The following VAPB variants were observed in gnomAD, a reference collection of about 807,000 sequenced individuals.
VAPB encodes VAMP associated protein B and C.
VAPB carries 7 observed loss-of-function variants against 25.6 expected under a neutral mutation model. The observed-to-expected ratio is 0.27, with a 90% confidence interval of 0.16 to 0.51. The LOEUF is 0.51. Ranked by LOEUF, VAPB falls within the 20% of genes least tolerant of loss-of-function variation. The pLI is 0.97. For missense variants in VAPB, 266 were observed against 301.3 expected, an observed-to-expected ratio of 0.88 and a Z score of 0.87; for synonymous variants, 112 against 109.2, an observed-to-expected ratio of 1.03 and a Z score of -0.16.
At chr20:58,391,908 CAA>C (rs1407090384) in intron 1 of VAPB, among the ~76,000 whole-genome samples, 3 of 152,162 alleles carry the variant, frequency 2.0e-5, no homozygotes, top group African/African-American at 4.8e-5. Flanking sequence ...GGTGAGTAGA[CAA>C]GAGTCAGATC....
At chr20:58,415,733 G>A (rs1333543334) in intron 1 of VAPB, among the ~76,000 whole-genome samples, 2 of 152,084 alleles carry the variant, frequency 1.3e-5, no homozygotes, top group South Asian at 4.1e-4. Flanking sequence ...TTTACATAAT[G>A]CTTTAATGGA....
Position 58,445,833 on chromosome 20 carries a change from C to A in VAPB, c.*1598C>A, listed in dbSNP as rs755031982. 46 of 453,800 alleles carry A rather than the reference C, an allele frequency of 1.0e-4. No homozygotes were observed. Among genetic ancestry groups the A allele is most frequent in the Non-Finnish European group, 1.9e-4 (43 of 226,776 alleles). The allele number at this position is 453,800 out of a possible 1,614,324, so 28.1% of individuals were successfully genotyped here. ...TGCTTTGGCCTTCAGTAAAAAGCAG[C>A]CTCCCTTCTAGGTCAGGGAACCATG... On this transcript the variant is annotated 3_prime_UTR_variant, in exon 6 of 6. Coordinates refer to ENST00000475243, the MANE Select transcript of VAPB (RefSeq NM_004738.5).
Position 58,446,710 on chromosome 20 carries a change from T to C in VAPB, c.*2475T>C, listed in dbSNP as rs1480717310. ...AGAGGTTAGGACTTGGTGAACATGT[T>C]TGTGGGCCTTTTGACTGAGTGGCAG... On this transcript the variant is annotated 3_prime_UTR_variant, in exon 6 of 6. Coordinates refer to ENST00000475243, the MANE Select transcript of VAPB (RefSeq NM_004738.5). The C allele has an allele frequency of 2.2e-6, 1 of 454,022 alleles. No homozygotes were observed. The highest frequency in any genetic ancestry group is 4.4e-6 in the Non-Finnish European group (1 of 226,774). The allele number at this position is 454,022 out of a possible 1,614,324, so 28.1% of individuals were successfully genotyped here.
chr20:58,427,915 G>T (rs1264507372), intron 2 of VAPB, among the ~76,000 whole-genome samples: 4 of 143,198 alleles, frequency 2.8e-5, no homozygotes, highest in Admixed American at 1.4e-4. Flanking sequence ...CCATTATGAT[G>T]CAGGGGAAAG....
rs752550479 is a variant in VAPB, at chr20:58,389,436, A to C, written c.-24A>C. On this transcript the variant is annotated 5_prime_UTR_variant, in exon 1 of 6. Transcript: ENST00000475243. ...GTGACCTCTCAGGGGTCTCCCCGCCAAAGGTGCTCCGCCGCTAAGGAACAT... is the reference window on the plus strand; with the variant it reads ...GTGACCTCTCAGGGGTCTCCCCGCCCAAGGTGCTCCGCCGCTAAGGAACAT... 3 of 1,580,346 alleles carry C rather than the reference A, an allele frequency of 1.9e-6. No individual in the cohort carries two copies. The highest frequency in any genetic ancestry group is 2.6e-6 in the Non-Finnish European group (3 of 1,163,196).
In VAPB at chr20:58,418,394, G is replaced by C. The variant is rs753315817; in HGVS notation, c.211+31G>C. 4.3e-6 allele frequency: 7 copies of C among 1,612,206 alleles called. No homozygotes were observed. In the East Asian group the frequency reaches 1.6e-4, roughly 36 times the overall value. On this transcript the variant is annotated intron_variant, in intron 2 of 5. Transcript: ENST00000475243. Reference sequence around the variant, plus strand: ...TCCTGAGACTGGAGGCCTAGAGGGTGGGCTCAGAAGGCCCCTGGACAGTAG... The same window carrying C: ...TCCTGAGACTGGAGGCCTAGAGGGTCGGCTCAGAAGGCCCCTGGACAGTAG...
intron 1 of VAPB, among the ~76,000 whole-genome samples, chr20:58,393,712 G>GTTTGTTT (rs1987870433): frequency 6.6e-6 from 1 of 150,412 alleles, no homozygotes; most frequent in African/African-American, 2.5e-5. Context: ...CTAGGTTAAG[G>GTTTGTTT]TTTGTTTTGT....
Position 58,445,136 on chromosome 20 carries a change from GT to G in VAPB, c.*907del, listed in dbSNP as rs1371936284. On this transcript the variant is annotated 3_prime_UTR_variant, in exon 6 of 6. Coordinates refer to ENST00000475243, the MANE Select transcript of VAPB (RefSeq NM_004738.5). ...TGCTGGAGAAGAGCTGCCAGGAAGT[GT>G]TTTTTCTGGGTCAGTAAATAACAAC... The G allele has an allele frequency of 2.2e-6, 1 of 454,168 alleles. No homozygotes were observed. The highest frequency in any genetic ancestry group is 4.4e-6 in the Non-Finnish European group (1 of 226,786). 28.1% of individuals were successfully genotyped at this position (454,168 alleles called of 1,614,324 possible).
rs1419422675 is a variant in VAPB at position 58,441,058 on chromosome 20, T to C, written c.548T>C (p.Leu183Pro). The C allele has an allele frequency of 6.2e-7, 1 of 1,613,972 alleles. No homozygotes were observed. ...AGGCTGCAAGGTGAAGTTCAGAGGC[T>C]ACGGGAGGAGAACAAGCAGTTCAAG... ...CKRLQGEVQR[L>P]REENKQFKEE... The change falls in exon 5 of 6, where the codon CTA becomes CCA. Residue 183 changes from leucine (L) to proline (P), a missense_variant. Leu to Pro is a moderately conservative substitution (Grantham distance 98, BLOSUM62 -3). This residue lies in a region of VAPB where 136 missense variants were observed against 130.7 expected (regional missense o/e 1.04). Transcript: ENST00000475243.
chr20:58,435,682 G>GTTTC (rs1989028700), intron 3 of VAPB, among the ~76,000 whole-genome samples: 1 of 152,200 alleles, frequency 6.6e-6, no homozygotes, highest in Non-Finnish European at 1.5e-5. Flanking sequence ...CTCCGCTGAT[G>GTTTC]TTTCACTTGT....
intron 1 of VAPB, among the ~76,000 whole-genome samples, chr20:58,406,003 G>A (rs1212296306): frequency 6.6e-6 from 1 of 152,122 alleles, no homozygotes; most frequent in Non-Finnish European, 1.5e-5. Flanking sequence ...TAGAGGAAGA[G>A]AGACTGCTTT....
At chr20:58,402,038 C>T (rs1036251336) in intron 1 of VAPB, among the ~76,000 whole-genome samples, 1 of 152,190 alleles carries the variant, frequency 6.6e-6, no homozygotes, top group East Asian at 1.9e-4. Flanking sequence ...TTCTTTCCAC[C>T]CTGATGTGGT....
Position 58,450,429 on chromosome 20 carries a change from A to C in VAPB, c.*6194A>C, listed in dbSNP as rs1388456056. ...TATATTTTTCATTCGTGTGTAGCCT[A>C]AGTAAGGTGACTCAAGATGATACAC... On this transcript the variant is annotated 3_prime_UTR_variant, in exon 6 of 6. Transcript: ENST00000475243. 1 of 454,022 alleles carries C rather than the reference A, an allele frequency of 2.2e-6. No individual in the cohort carries two copies. Among genetic ancestry groups the C allele is most frequent in the Admixed American group, 2.3e-5 (1 of 42,568 alleles). The allele number at this position is 454,022 out of a possible 1,614,324, so 28.1% of individuals were successfully genotyped here. A position where few individuals can be genotyped will look rare whatever the true frequency, so the allele number is the denominator to read the frequency against.
intron 2 of VAPB, among the ~76,000 whole-genome samples, chr20:58,428,997 C>A (rs1282045549): frequency 6.6e-6 from 1 of 152,190 alleles, no homozygotes; most frequent in Middle Eastern, 3.2e-3. Flanking sequence ...AAAACACCCC[C>A]ATTTGCTGTT....
intron 1 of VAPB, among the ~76,000 whole-genome samples, chr20:58,401,811 A>G (rs1003214980): frequency 2.0e-5 from 3 of 152,214 alleles, no homozygotes; most frequent in African/African-American, 7.2e-5. Context: ...TAAATGCAGC[A>G]TGACCCAAGC....
intron 2 of VAPB, among the ~76,000 whole-genome samples, chr20:58,433,860 T>C (rs1331519583): frequency 6.6e-6 from 1 of 152,152 alleles, no homozygotes; most frequent in African/African-American, 2.4e-5. Context: ...CAAAGCCTTG[T>C]AGCAAAGTAA....
chr20:58,437,844 T>C (rs562417948), intron 3 of VAPB, among the ~76,000 whole-genome samples: 3 of 152,310 alleles, frequency 2.0e-5, no homozygotes, highest in Non-Finnish European at 4.4e-5. Context: ...GTCAGATGTA[T>C]AGATTGCTTC....
intron 1 of VAPB, among the ~76,000 whole-genome samples, chr20:58,414,348 C>G (rs1354025593): frequency 6.8e-6 from 1 of 147,570 alleles, no homozygotes; most frequent in Non-Finnish European, 1.5e-5. Context: ...CCCTCCCGGA[C>G]GGGGCGGCCG....
chr20:58,444,896 G>T lies in VAPB; in HGVS notation c.*661G>T, dbSNP rs1343538574. ...AAAGGGACCAAGCTAAATTTGTATTGGTTCATGTAGTGAAGTCAAACTGTT... is the reference window on the plus strand; with the variant it reads ...AAAGGGACCAAGCTAAATTTGTATTTGTTCATGTAGTGAAGTCAAACTGTT... On this transcript the variant is annotated 3_prime_UTR_variant, in exon 6 of 6. Transcript: ENST00000475243. 1 of 454,538 alleles carries T rather than the reference G, an allele frequency of 2.2e-6. No individual in the cohort carries two copies. 28.2% of individuals were successfully genotyped at this position (454,538 alleles called of 1,614,324 possible).
Sources: allele counts gnomAD v4.1 joint callset (sites outside exome capture counted in the v4.1 genomes callset), GRCh38; gene constraint gnomAD v4.1.1; regional missense constraint gnomAD v4.1.1; transcripts MANE v1.5; gene names NCBI Gene and HGNC (gene_info 2026-07-23, HGNC 2026-07-21).